The following CNTN6 variants were observed in gnomAD, a reference collection of about 807,000 sequenced individuals.
CNTN6 encodes contactin 6, also known as contactin-6.
Under a neutral mutation model 122.8 loss-of-function variants are expected in CNTN6, and 137 were observed. That is an observed-to-expected ratio of 1.12 (90% confidence interval 0.97 to 1.29). CNTN6 has a LOEUF of 1.29. Among genes scored for constraint, CNTN6 ranks in the 50% most tolerant of loss-of-function variants. The pLI is 0.00. For synonymous variants in CNTN6, 570 were observed against 426.0 expected, an observed-to-expected ratio of 1.34 and a Z score of -4.16; for missense variants, 1,634 against 1,223.4, an observed-to-expected ratio of 1.34 and a Z score of -5.01.
chr3:1,168,466 G>T (rs906332417), intron 2 of CNTN6, among the ~76,000 whole-genome samples: 3 of 150,410 alleles, frequency 2.0e-5, no homozygotes, highest in African/African-American at 4.9e-5. Flanking sequence ...AGGAAGCTGG[G>T]ACACTTGCCC....
At chr3:1,187,227 C>T (rs1031631186) in intron 2 of CNTN6, among the ~76,000 whole-genome samples, 15 of 152,048 alleles carry the variant, frequency 9.9e-5, no homozygotes, top group African/African-American at 3.4e-4. Context: ...CTGCCTGATG[C>T]GTAATGAAGT....
At chr3:1,168,818 A>T (rs929104581) in intron 2 of CNTN6, among the ~76,000 whole-genome samples, 1 of 152,204 alleles carries the variant, frequency 6.6e-6, no homozygotes, top group African/African-American at 2.4e-5. Flanking sequence ...ATGAGCAAAA[A>T]AAGGGACATT....
intron 7 of CNTN6, among the ~76,000 whole-genome samples, chr3:1,302,679 A>G (rs1697629022): frequency 6.6e-6 from 1 of 152,154 alleles, no homozygotes; most frequent in Non-Finnish European, 1.5e-5. Context: ...TGCTCACATA[A>G]CTAGGAAATA....
At chr3:1,385,505 G>T in intron 19 of CNTN6, 106 bp from the exon 20 acceptor site, 1 of 811,228 alleles carries the variant, frequency 1.2e-6, no homozygotes. Context: ...CTATACTTCT[G>T]TCTTCTTCCC....
In CNTN6 at chr3:1,329,858, C is replaced by T. The variant is rs765801539; in HGVS notation, c.1287C>T (p.Ile429=). ...SFVQVGGDIV[I]GCKPNAFPRA... ...TTCAAGTTGGTGGGGATATTGTTAT[C>T]GGATGCAAACCAAATGCTTTTCCCA... Residue 429 remains isoleucine, a synonymous_variant, in exon 11 of 23, where the codon ATC becomes ATT. Transcript: ENST00000446702. The T allele has an allele frequency of 2.3e-5, 37 of 1,610,704 alleles. No individual in the cohort carries two copies. The highest frequency in any genetic ancestry group is 4.0e-5 in the African/African-American group (3 of 74,674).
chr3:1,304,612 G>C (rs1698017599), intron 7 of CNTN6, among the ~76,000 whole-genome samples: 1 of 152,028 alleles, frequency 6.6e-6, no homozygotes. Flanking sequence ...GCTTTATCTA[G>C]GGAATGGAAT....
At chr3:1,238,299 C>A (rs1159747655) in intron 4 of CNTN6, among the ~76,000 whole-genome samples, 1 of 152,128 alleles carries the variant, frequency 6.6e-6, no homozygotes, top group Non-Finnish European at 1.5e-5. Flanking sequence ...ATTCTTCTAT[C>A]AGACAAAACA....
intron 11 of CNTN6, among the ~76,000 whole-genome samples, chr3:1,348,857 C>T (rs565884507): frequency 6.6e-6 from 1 of 151,908 alleles, no homozygotes; most frequent in East Asian, 1.9e-4. Context: ...CTTAAGCATT[C>T]GATGAGTTGA....
At chr3:1,249,792 T>C (rs1377500610) in intron 4 of CNTN6, among the ~76,000 whole-genome samples, 1 of 152,218 alleles carries the variant, frequency 6.6e-6, no homozygotes, top group Admixed American at 6.5e-5. Context: ...GGTATGTCCC[T>C]TGAGCACAAA....
At chr3:1,312,982 C>G (rs1699603187) in intron 7 of CNTN6, among the ~76,000 whole-genome samples, 1 of 151,908 alleles carries the variant, frequency 6.6e-6, no homozygotes, top group Non-Finnish European at 1.5e-5. Context: ...AATATGTGCT[C>G]AATTCATGTT....
chr3:1,140,669 A>G (rs1439450232), intron 1 of CNTN6, among the ~76,000 whole-genome samples: 1 of 152,132 alleles, frequency 6.6e-6, no homozygotes, highest in African/African-American at 2.4e-5. Flanking sequence ...TACTCTCTTG[A>G]TGACTGAGTT....
At chr3:1,099,379 G>GA (rs1243236748) in intron 1 of CNTN6, among the ~76,000 whole-genome samples, 1 of 151,506 alleles carries the variant, frequency 6.6e-6, no homozygotes, top group Non-Finnish European at 1.5e-5. Context: ...GGAACCCGGG[G>GA]GGCGGAGCTT....
chr3:1,245,499 G>A (rs963938819), intron 4 of CNTN6, among the ~76,000 whole-genome samples: 1 of 148,746 alleles, frequency 6.7e-6, no homozygotes, highest in Non-Finnish European at 1.5e-5. Context: ...TGTACACAAA[G>A]CATAAGAATG....
intron 20 of CNTN6, among the ~76,000 whole-genome samples, chr3:1,399,363 C>T (rs1484279191): frequency 6.6e-6 from 1 of 152,054 alleles, no homozygotes; most frequent in Non-Finnish European, 1.5e-5. Flanking sequence ...ATTCTTGCTG[C>T]CATTCAGACC....
chr3:1,384,681 TATATATAC>T (rs68063901), intron 19 of CNTN6, among the ~76,000 whole-genome samples: 25,973 of 117,520 alleles, frequency 0.22, 2,982 homozygotes, highest in African/African-American at 0.35. Context: ...TATATATATA[TATATATAC>T]ACACACACAC....
intron 1 of CNTN6, among the ~76,000 whole-genome samples, chr3:1,129,593 A>G (rs1260896526): frequency 1.3e-5 from 2 of 152,028 alleles, no homozygotes; most frequent in African/African-American, 4.8e-5. Context: ...TATTTTGGAG[A>G]TTAAACATAA....
intron 4 of CNTN6, among the ~76,000 whole-genome samples, chr3:1,265,049 T>TTTTTTTTTTTC (rs1252689946): frequency 7.3e-5 from 11 of 150,038 alleles, no homozygotes; most frequent in African/African-American, 2.4e-4. Flanking sequence ...ATTTCCTTTT[T>TTTTTTTTTTTC]TTTTTTTTTT....
intron 12 of CNTN6, among the ~76,000 whole-genome samples, chr3:1,368,096 A>T (rs1708491129): frequency 6.6e-6 from 1 of 152,240 alleles, no homozygotes; most frequent in Non-Finnish European, 1.5e-5. Context: ...CTTAAAGATT[A>T]TTCCAGTCAA....
rs143667083 is a variant in CNTN6, at chr3:1,175,793, G to A, written c.55+27730G>A. 1.5e-3 allele frequency among the ~76,000 whole-genome samples: 207 copies of A among 142,474 alleles called. 1 individual carries two copies. The highest frequency in any genetic ancestry group is 4.9e-3 in the African/African-American group (199 of 40,888). The allele number at this position is 142,474 out of a possible 152,430, so 93.5% of individuals were successfully genotyped here. On this transcript the variant is annotated intron_variant, in intron 2 of 22. Transcript: ENST00000446702. The stretch of plus-strand genomic sequence containing the variant: ...CCAAAATAGCAATAGTGTGATGCGG[G>A]ACTCTTGCTGTAGCAACAGAACTAT...
Sources: gnomAD v4.1 joint callset for allele counts (sites outside exome capture counted in the v4.1 genomes callset) on GRCh38, gnomAD v4.1.1 for gene constraint, MANE v1.5 for transcripts, NCBI Gene and HGNC (gene_info 2026-07-23, HGNC 2026-07-21) for gene names.